ENPEP: variants seen among roughly 807,000 people sequenced by gnomAD.
ENPEP encodes the protein AP-A.
A neutral mutation model predicts 114.5 loss-of-function variants in ENPEP; 103 were observed. The observed-to-expected ratio is 0.90, with a 90% CI of 0.77 to 1.06. ENPEP has a LOEUF of 1.06. Among genes scored for constraint, ENPEP ranks in the 50% least tolerant of loss-of-function variants. The probability of loss-of-function intolerance (pLI) is 0.00; values close to 1 mark genes in which losing one functional copy is unlikely to be tolerated. For synonymous variants in ENPEP, 420 were observed against 422.0 expected (o/e 1.00, Z 0.06); for missense variants, 1,196 against 1,161.3 (o/e 1.03, Z -0.43).
At chr4:110,551,149 A>T (rs534292985) in intron 17 of ENPEP, among the ~76,000 whole-genome samples, 10 of 151,980 alleles carry the variant, frequency 6.6e-5, no homozygotes, top group African/African-American at 2.4e-4. Flanking sequence ...AACATCACTA[A>T]TTCATTACTT....
intron 11 of ENPEP, among the ~76,000 whole-genome samples, chr4:110,539,162 G>T (rs1349568307): frequency 6.6e-6 from 1 of 152,148 alleles, no homozygotes; most frequent in Non-Finnish European, 1.5e-5. Flanking sequence ...TGATAGACTG[G>T]CTTTGCTACA....
At chr4:110,481,932 G>T (rs1724325320) in intron 1 of ENPEP, among the ~76,000 whole-genome samples, 1 of 152,076 alleles carries the variant, frequency 6.6e-6, no homozygotes, top group African/African-American at 2.4e-5. Context: ...GAAACTAAAA[G>T]CAGGCAAAAA....
At chr4:110,537,341 C>A (rs903212632) in intron 11 of ENPEP, among the ~76,000 whole-genome samples, 1 of 152,142 alleles carries the variant, frequency 6.6e-6, no homozygotes, top group African/African-American at 2.4e-5. Flanking sequence ...ATTTTTAATC[C>A]TTTTTTGTCA....
chr4:110,522,285 C>G (rs955002565), intron 10 of ENPEP, among the ~76,000 whole-genome samples: 1 of 151,898 alleles, frequency 6.6e-6, no homozygotes, highest in Non-Finnish European at 1.5e-5. Context: ...GGGTTCAAGC[C>G]GTTCTCCTCC....
At chr4:110,533,648 T>G (rs1322707836) in intron 11 of ENPEP, among the ~76,000 whole-genome samples, 1 of 152,128 alleles carries the variant, frequency 6.6e-6, no homozygotes, top group South Asian at 2.1e-4. Context: ...TGATAAAAAT[T>G]GAATGTAGAG....
chr4:110,493,041 A>C (rs1276636169), intron 3 of ENPEP, among the ~76,000 whole-genome samples: 2 of 152,226 alleles, frequency 1.3e-5, no homozygotes, highest in African/African-American at 4.8e-5. Context: ...AATGCATTTA[A>C]CCAATCAGCA....
At chr4:110,493,521 C>T (rs1724803602) in intron 3 of ENPEP, among the ~76,000 whole-genome samples, 1 of 152,142 alleles carries the variant, frequency 6.6e-6, no homozygotes, top group South Asian at 2.1e-4. Context: ...ATGCCACTTT[C>T]CCCTTCCTCC....
intron 11 of ENPEP, among the ~76,000 whole-genome samples, chr4:110,534,406 C>T (rs1726527201): frequency 6.6e-6 from 1 of 151,726 alleles, no homozygotes; most frequent in South Asian, 2.1e-4. Flanking sequence ...ATATTTTATC[C>T]TGTCACTTTC....
intron 11 of ENPEP, among the ~76,000 whole-genome samples, chr4:110,539,990 C>T (rs559584312): frequency 1.4e-4 from 22 of 152,032 alleles, no homozygotes; most frequent in African/African-American, 4.3e-4. Context: ...AGGTAATTAT[C>T]GCTTTTCTCT....
intron 4 of ENPEP, among the ~76,000 whole-genome samples, chr4:110,508,383 C>G (rs1250561172): frequency 6.6e-6 from 1 of 151,976 alleles, no homozygotes. Context: ...AGATACTTCT[C>G]TACTTTTGAA....
chr4:110,528,983 A>G (rs1434091177), intron 10 of ENPEP, among the ~76,000 whole-genome samples: 2 of 152,280 alleles, frequency 1.3e-5, no homozygotes, highest in African/African-American at 4.8e-5. Flanking sequence ...ATTACATTAG[A>G]TCATGTGATT....
chr4:110,524,457 C>T (rs1241218811), intron 10 of ENPEP, among the ~76,000 whole-genome samples: 1 of 152,144 alleles, frequency 6.6e-6, no homozygotes, highest in African/African-American at 2.4e-5. Context: ...TAACCAAATT[C>T]TTCTAAACAA....
intron 18 of ENPEP, 75 bp downstream of exon 18, chr4:110,553,530 C>A (rs1257041131): frequency 1.9e-5 from 27 of 1,417,052 alleles, no homozygotes; most frequent in Non-Finnish European, 2.4e-5. Flanking sequence ...TTTCTTTGGG[C>A]CACTGTCTCT....
At chr4:110,519,143 G>T in intron 8 of ENPEP, 1 of 455,228 alleles carries the variant, frequency 2.2e-6, no homozygotes, top group Admixed American at 2.4e-5. Flanking sequence ...ATTCCAAAGT[G>T]GCTTCATCCC....
chr4:110,559,873 C>T, intron 19 of ENPEP, 148 bp downstream of exon 19: 1 of 637,224 alleles, frequency 1.6e-6, no homozygotes, highest in South Asian at 1.9e-5. Context: ...TTTGCTGCAC[C>T]TATCAACCCG....
intron 3 of ENPEP, among the ~76,000 whole-genome samples, chr4:110,505,882 G>T (rs1011656724): frequency 6.6e-6 from 1 of 152,160 alleles, no homozygotes. Flanking sequence ...TGTTGAAGAG[G>T]ATTCTTGAAA....
intron 3 of ENPEP, among the ~76,000 whole-genome samples, chr4:110,495,755 T>C (rs910415915): frequency 1.3e-5 from 2 of 152,006 alleles, no homozygotes; most frequent in Non-Finnish European, 2.9e-5. Flanking sequence ...AAATAAATAA[T>C]AAATGGCACG....
At chr4:110,502,295 G>A (rs1420463575) in intron 3 of ENPEP, among the ~76,000 whole-genome samples, 5 of 152,016 alleles carry the variant, frequency 3.3e-5, no homozygotes, top group Non-Finnish European at 7.4e-5. Context: ...AAGTCCATTT[G>A]CCTACTTATG....
chr4:110,505,241 G>A (rs1411697698), intron 3 of ENPEP, among the ~76,000 whole-genome samples: 1 of 152,140 alleles, frequency 6.6e-6, no homozygotes, highest in Non-Finnish European at 1.5e-5. Flanking sequence ...GAGGACAGGA[G>A]GGTAATCCAA....
Sources: allele counts gnomAD v4.1 joint callset (sites outside exome capture counted in the v4.1 genomes callset), GRCh38; gene constraint gnomAD v4.1.1; transcripts MANE v1.5; gene names NCBI Gene and HGNC (gene_info 2026-07-23, HGNC 2026-07-21).